MAP3K5: variants seen among roughly 807,000 people sequenced by gnomAD.
MAP3K5 encodes the protein mitogen-activated protein kinase kinase kinase 5.
MAP3K5 carries 56 observed loss-of-function variants against 158.7 expected under a neutral mutation model. The ratio of observed to expected loss-of-function variants is 0.35; its 90% CI spans 0.28 to 0.44. MAP3K5 has a LOEUF of 0.44. Ranked by LOEUF, MAP3K5 falls within the 20% of genes least tolerant of loss-of-function variation. The pLI is 1.00. For synonymous variants in MAP3K5, 579 were observed against 601.7 expected, an observed-to-expected ratio of 0.96 and a Z score of 0.55; for missense variants, 1,294 against 1,674.8, an observed-to-expected ratio of 0.77 and a Z score of 3.97.
chr6:136,622,981 A>G lies in MAP3K5; in HGVS notation c.2017T>C (p.Tyr673His). 6.2e-7 allele frequency: 1 copy of G among 1,612,768 alleles called. No homozygotes were observed. The highest frequency in any genetic ancestry group is 8.5e-7 in the Non-Finnish European group (1 of 1,179,624). Reference protein sequence around the residue: ...EGDCESDLLEYDYEYDENGDR... With the variant: ...EGDCESDLLEHDYEYDENGDR... Reference sequence around the variant, plus strand: ...CCATTTTCATCATATTCATAGTCATACTACAAAAGGAAAAACGGGGAGAAA... The same window carrying G: ...CCATTTTCATCATATTCATAGTCATGCTACAAAAGGAAAAACGGGGAGAAA... Residue 673 changes from tyrosine to histidine, a missense_variant and splice_region_variant, in exon 15 of 30, where the codon TAT becomes CAT. Physicochemically the swap from Tyr to His is moderately conservative, Grantham distance 83. This residue lies in a region of MAP3K5 where 690 missense variants were observed against 870.5 expected (regional missense o/e 0.79). Transcript: ENST00000359015.
intron 1 of MAP3K5, among the ~76,000 whole-genome samples, chr6:136,781,759 C>A (rs1029740251): frequency 1.3e-5 from 2 of 152,120 alleles, no homozygotes; most frequent in African/African-American, 4.8e-5. Context: ...ATAAAATCAC[C>A]CCAACCTCAG....
chr6:136,629,477 A>C (rs1011450409), intron 14 of MAP3K5, among the ~76,000 whole-genome samples: 1 of 151,838 alleles, frequency 6.6e-6, no homozygotes, highest in African/African-American at 2.4e-5. Context: ...TTTTTTGAGA[A>C]GGAGTCACGC....
At chr6:136,638,021 G>C (rs1583317716) in intron 13 of MAP3K5, among the ~76,000 whole-genome samples, 1 of 152,168 alleles carries the variant, frequency 6.6e-6, no homozygotes, top group South Asian at 2.1e-4. Context: ...GTCTATCTTG[G>C]AATTTGGACC....
chr6:136,661,810 G>A (rs1434829620), intron 8 of MAP3K5, among the ~76,000 whole-genome samples: 1 of 152,022 alleles, frequency 6.6e-6, no homozygotes, highest in Admixed American at 6.5e-5. Context: ...CAAAGTTCTG[G>A]GATTACAGGC....
At chr6:136,567,034 C>A (rs1583192407) in intron 26 of MAP3K5, among the ~76,000 whole-genome samples, 2 of 152,312 alleles carry the variant, frequency 1.3e-5, no homozygotes, top group East Asian at 3.9e-4. Flanking sequence ...ACTGTACCAA[C>A]AACATCTGCA....
At chr6:136,581,973 C>T (rs1774899038) in intron 24 of MAP3K5, among the ~76,000 whole-genome samples, 1 of 152,020 alleles carries the variant, frequency 6.6e-6, no homozygotes, top group South Asian at 2.1e-4. Context: ...GTTCCAGCTA[C>T]TCGGGAGGCT....
At chr6:136,749,204 C>G (rs1005885136) in intron 1 of MAP3K5, among the ~76,000 whole-genome samples, 2 of 151,978 alleles carry the variant, frequency 1.3e-5, no homozygotes, top group Non-Finnish European at 2.9e-5. Flanking sequence ...GAAACCCCAT[C>G]TCTACTAAAA....
chr6:136,584,238 C>T (rs182896683), intron 23 of MAP3K5, among the ~76,000 whole-genome samples: 5 of 152,142 alleles, frequency 3.3e-5, no homozygotes, highest in East Asian at 1.9e-4. Flanking sequence ...AAAGTCTGCC[C>T]GGAAAGAGAA....
chr6:136,772,529 G>A (rs1012802034), intron 1 of MAP3K5, among the ~76,000 whole-genome samples: 3 of 152,086 alleles, frequency 2.0e-5, no homozygotes, highest in Non-Finnish European at 4.4e-5. Flanking sequence ...GAAAATGAAT[G>A]AATGCACATA....
intron 14 of MAP3K5, among the ~76,000 whole-genome samples, chr6:136,627,349 T>G (rs1259699566): frequency 6.6e-6 from 1 of 152,192 alleles, no homozygotes; most frequent in African/African-American, 2.4e-5. Flanking sequence ...TCCACTAAAT[T>G]GACAGTGAAC....
chr6:136,782,863 TATCA>T (rs1371352067), intron 1 of MAP3K5, among the ~76,000 whole-genome samples: 1 of 152,210 alleles, frequency 6.6e-6, no homozygotes, highest in Non-Finnish European at 1.5e-5. Flanking sequence ...AAATGTAAGT[TATCA>T]ATTATTTACA....
At chr6:136,712,542 G>T (rs1781352198) in intron 2 of MAP3K5, among the ~76,000 whole-genome samples, 1 of 152,124 alleles carries the variant, frequency 6.6e-6, no homozygotes, top group South Asian at 2.1e-4. Context: ...TTAACCAGTT[G>T]TTTCTTTCAG....
intron 1 of MAP3K5, among the ~76,000 whole-genome samples, chr6:136,737,037 G>GTGTGTGTATATATATATATATA (rs759947051): frequency 2.4e-5 from 3 of 127,002 alleles, no homozygotes; most frequent in African/African-American, 1.1e-4. Context: ...ATATGTGTGT[G>GTGTGTGTATATATATATATATA]TATATATATA....
At chr6:136,579,154 TG>T (rs1435960403) in intron 25 of MAP3K5, among the ~76,000 whole-genome samples, 2 of 152,204 alleles carry the variant, frequency 1.3e-5, no homozygotes, top group Non-Finnish European at 2.9e-5. Flanking sequence ...TATATAAATC[TG>T]TATCTATCCA....
At chr6:136,771,707 C>T (rs568095386) in intron 1 of MAP3K5, among the ~76,000 whole-genome samples, 61 of 152,172 alleles carry the variant, frequency 4.0e-4, no homozygotes, top group Non-Finnish European at 7.5e-4. Context: ...TTTTCTTCTA[C>T]CTCTGGCTTG....
At chr6:136,604,824 A>G (rs961424215) in intron 19 of MAP3K5, among the ~76,000 whole-genome samples, 1 of 152,184 alleles carries the variant, frequency 6.6e-6, no homozygotes, top group Admixed American at 6.5e-5. Flanking sequence ...AGTAAAGGAA[A>G]TTATTAATTT....
At chr6:136,784,725 A>G (rs780548391) in intron 1 of MAP3K5, among the ~76,000 whole-genome samples, 4 of 152,208 alleles carry the variant, frequency 2.6e-5, no homozygotes, top group Non-Finnish European at 4.4e-5. Flanking sequence ...TCATCCTTGG[A>G]GAAATGGGAA....
chr6:136,692,885 G>T (rs946663757), intron 7 of MAP3K5, among the ~76,000 whole-genome samples: 3 of 152,104 alleles, frequency 2.0e-5, no homozygotes, highest in Admixed American at 6.5e-5. Context: ...GAGCTCAGGA[G>T]GTGGAGGTGG....
At chr6:136,690,349 A>G (rs557014671) in intron 7 of MAP3K5, among the ~76,000 whole-genome samples, 44 of 152,262 alleles carry the variant, frequency 2.9e-4, no homozygotes, top group African/African-American at 1.0e-3. Flanking sequence ...AATGTAGAGA[A>G]ATGTCTAAGA....
Sources: gnomAD v4.1 joint callset for allele counts (sites outside exome capture counted in the v4.1 genomes callset) on GRCh38, gnomAD v4.1.1 for gene constraint, gnomAD v4.1.1 regional missense constraint, MANE v1.5 for transcripts, NCBI Gene and HGNC (gene_info 2026-07-23, HGNC 2026-07-21) for gene names.